The following SVOP variants were observed in gnomAD, a reference collection of about 807,000 sequenced individuals.
The protein encoded by SVOP is synaptic vesicle 2-related protein.
A neutral mutation model predicts 69.1 loss-of-function variants in SVOP; 17 were observed. The ratio of observed to expected loss-of-function variants is 0.25; its 90% CI spans 0.17 to 0.37. The LOEUF is 0.37. Ranked by LOEUF, SVOP falls within the 10% of genes least tolerant of loss-of-function variation. The pLI is 1.00. For synonymous variants in SVOP, 238 were observed against 238.6 expected (o/e 1.00, Z 0.02); for missense variants, 435 against 597.5 (o/e 0.73, Z 2.84).
intron 13 of SVOP, 146 bp from the exon 14 acceptor site, chr12:108,918,270 A>G: frequency 3.6e-6 from 2 of 549,418 alleles, no homozygotes; most frequent in East Asian, 3.2e-5. Context: ...ATGCAGGCAC[A>G]CATATTTCAG....
At chr12:108,946,762 A>T in intron 6 of SVOP, among the ~76,000 whole-genome samples, 1 of 151,134 alleles carries the variant, frequency 6.6e-6, no homozygotes, top group East Asian at 1.9e-4. Flanking sequence ...TCTGTCGCTC[A>T]GGCTGGAGTG....
At chr12:108,916,987 T>C (rs1323975465) in intron 14 of SVOP, among the ~76,000 whole-genome samples, 2 of 152,220 alleles carry the variant, frequency 1.3e-5, no homozygotes, top group East Asian at 3.8e-4. Flanking sequence ...GCTCAAGCGA[T>C]CCACCTGCCT....
intron 1 of SVOP, among the ~76,000 whole-genome samples, chr12:108,994,402 G>T (rs371203605): frequency 3.7e-4 from 56 of 152,260 alleles, no homozygotes; most frequent in African/African-American, 1.3e-3. Flanking sequence ...GCTGAGGCAG[G>T]AGAATCGCTT....
intron 11 of SVOP, among the ~76,000 whole-genome samples, chr12:108,924,716 A>T (rs1031239649): frequency 6.6e-6 from 1 of 152,296 alleles, no homozygotes; most frequent in Non-Finnish European, 1.5e-5. Flanking sequence ...GAAGGTAAAA[A>T]TACCTTAAAA....
At chr12:108,941,788 A>C (rs1370828052) in intron 7 of SVOP, among the ~76,000 whole-genome samples, 8 of 151,778 alleles carry the variant, frequency 5.3e-5, no homozygotes, top group Non-Finnish European at 1.2e-4. Flanking sequence ...CAGCCTCCCG[A>C]GTAGCTGGGA....
chr12:108,958,187 A>G (rs1464598428), intron 6 of SVOP, among the ~76,000 whole-genome samples: 2 of 152,176 alleles, frequency 1.3e-5, no homozygotes, highest in African/African-American at 2.4e-5. Flanking sequence ...ATTCTTTAAT[A>G]GCGAGGGGGT....
intron 4 of SVOP, 123 bp downstream of exon 4, chr12:108,977,275 G>A: frequency 8.3e-7 from 1 of 1,206,602 alleles, no homozygotes; most frequent in Non-Finnish European, 1.1e-6. Flanking sequence ...ATGGGACAGT[G>A]TTTCCATCAG....
rs2039666235 is a variant in SVOP at position 108,909,383 on chromosome 12, G to A, written c.*3152C>T. The A allele has an allele frequency of 2.6e-5, 4 of 151,844 alleles. No individual in the cohort carries two copies. Among genetic ancestry groups the A allele is most frequent in the Non-Finnish European group, 2.9e-5 (2 of 68,024 alleles). 9.4% of individuals were successfully genotyped at this position (151,844 alleles called of 1,614,324 possible). A position where few individuals can be genotyped will look rare whatever the true frequency, so the allele number is the denominator to read the frequency against. On this transcript the variant is annotated 3_prime_UTR_variant, in exon 16 of 16. Transcript: ENST00000610966. ...ATACAAAAATTAGCCAAGCATCAAGGCGGGCACCTGTAATCCCAGCTACTC... is the reference window on the plus strand; with the variant it reads ...ATACAAAAATTAGCCAAGCATCAAGACGGGCACCTGTAATCCCAGCTACTC...
At chr12:109,017,755 G>T (rs1393300490) in intron 1 of SVOP, among the ~76,000 whole-genome samples, 2 of 151,932 alleles carry the variant, frequency 1.3e-5, no homozygotes, top group African/African-American at 2.4e-5. Flanking sequence ...TGTTGGTCAG[G>T]CTTGTCTCGA....
intron 6 of SVOP, among the ~76,000 whole-genome samples, chr12:108,946,078 G>A (rs1373246712): frequency 1.3e-5 from 2 of 152,124 alleles, no homozygotes; most frequent in African/African-American, 2.4e-5. Context: ...CACTGTGATG[G>A]TAACAAATGG....
chr12:108,920,747 G>A (rs10861981), intron 12 of SVOP, among the ~76,000 whole-genome samples: 54,171 of 151,642 alleles, frequency 0.36, 10,338 homozygotes, highest in South Asian at 0.58. Context: ...ACAGGTGCAC[G>A]CCATCATGCC....
In SVOP at chr12:108,945,261, G is replaced by A. The variant is rs2039916036; in HGVS notation, c.579-95C>T. 5.6e-6 allele frequency: 7 copies of A among 1,244,232 alleles called. No individual in the cohort carries two copies. In the South Asian group the frequency reaches 9.0e-5, roughly 16 times the overall value. 77.1% of individuals were successfully genotyped at this position (1,244,232 alleles called of 1,614,324 possible). A position where few individuals can be genotyped will look rare whatever the true frequency, so the allele number is the denominator to read the frequency against. On this transcript the variant is annotated intron_variant, in intron 6 of 15. Transcript: ENST00000610966. ...GAATTTGCAGCCGACATTCCTCCAA[G>A]GGTGGTCAGTGAACCACTTACATCA...
At position 108,972,467 on chromosome 12, in the gene SVOP, C is replaced by T; in HGVS notation, c.391G>A (p.Val131Ile). The T allele has an allele frequency of 6.5e-7, 1 of 1,537,202 alleles. No individual in the cohort carries two copies. Among genetic ancestry groups the T allele is most frequent in the Non-Finnish European group, 8.7e-7 (1 of 1,146,888 alleles). The change falls in exon 5 of 16, where the codon GTA (valine) becomes ATA (isoleucine). Residue 131 changes from valine (V) to isoleucine (I), a missense_variant. By Grantham distance (29) the Val-to-Ile change is conservative (BLOSUM62 3). Coordinates refer to ENST00000610966, the MANE Select transcript of SVOP (RefSeq NM_018711.5). ...AGCGTGGAGCTGGACATCATGCCTA[C>T]AAAGACCACCTGTGGGGGGAAAGAC... is the stretch of plus-strand genomic sequence containing the variant. ...QVALLTSVVFVGMMSSSTLWG... is the reference protein window; with the variant it reads ...QVALLTSVVFIGMMSSSTLWG...
At chr12:109,014,207 G>T (rs2040356992) in intron 1 of SVOP, among the ~76,000 whole-genome samples, 1 of 151,966 alleles carries the variant, frequency 6.6e-6, no homozygotes, top group African/African-American at 2.4e-5. Context: ...GTAGAGACTG[G>T]GTTTCACCAT....
chr12:108,997,630 C>T lies in SVOP; in HGVS notation c.36-13869G>A, dbSNP rs1306190365. Among the ~76,000 whole-genome samples, 31 of 151,582 alleles carry T rather than the reference C, an allele frequency of 2.0e-4. No homozygotes were observed. In the East Asian group the frequency reaches 5.6e-3, roughly 28 times the overall value. ...TGGAGATCTGAGAACGGGCAGACTG[C>T]CTCCTCAAGTGGGTCCCTGACCCCT... On this transcript the variant is annotated intron_variant, in intron 1 of 15. Coordinates refer to ENST00000610966, the MANE Select transcript of SVOP (RefSeq NM_018711.5).
In SVOP at chr12:108,915,855, C is replaced by T. The variant is rs370717673; in HGVS notation, c.1368G>A (p.Thr456=). The change falls in exon 15 of 16, where the codon ACG becomes ACA. Residue 456 remains threonine (T), a synonymous_variant. Coordinates refer to ENST00000610966, the MANE Select transcript of SVOP (RefSeq NM_018711.5). The part of the protein sequence containing the change: ...VYTPEVYPTA[T]RALGLGTCSG... ...TGCAGGTGCCCAGGCCGAGGGCCCG[C>T]GTTGCCGTGGGGTAGACCTGAAACA... 4.0e-4 allele frequency: 641 copies of T among 1,606,814 alleles called. 1 individual carries two copies. The highest frequency in any genetic ancestry group is 4.9e-4 in the Non-Finnish European group (573 of 1,177,022).
At chr12:108,929,277 A>C (rs1372008670) in intron 11 of SVOP, among the ~76,000 whole-genome samples, 7 of 152,328 alleles carry the variant, frequency 4.6e-5, no homozygotes, top group Admixed American at 3.3e-4. Context: ...CTTCAGCAAT[A>C]GTCCTTTTTA....
chr12:108,914,750 G>C lies in SVOP; in HGVS notation c.1440+1033C>G, dbSNP rs567935266. Among the ~76,000 whole-genome samples, 371 of 151,750 alleles carry C rather than the reference G, an allele frequency of 2.4e-3. 1 individual carries two copies. The highest frequency in any genetic ancestry group is 3.4e-3 in the Non-Finnish European group (231 of 67,930). On this transcript the variant is annotated intron_variant, in intron 15 of 15. Coordinates refer to ENST00000610966, the MANE Select transcript of SVOP (RefSeq NM_018711.5). ...TTTTGTATTTTTAGTAGAGATGGGG[G>C]TTTCACCATGTTGGCCAGGCTGGTC...
rs1427152985 is a variant in SVOP at position 108,912,574 on chromosome 12, A to G, written c.1608T>C (p.Gly536=). Reference sequence around the variant, plus strand: ...CAGAGTTCGACCTGGTAACACCTGCACCGTGCATTCCTCGGCCGACCATCT... The same window carrying G: ...CAGAGTTCGACCTGGTAACACCTGCGCCGTGCATTCCTCGGCCGACCATCT... The part of the protein sequence containing the change: ...GQEMVGRGMH[G]AGVTRSNSGS... Residue 536 remains glycine (G), a synonymous_variant, in exon 16 of 16, where the codon GGT becomes GGC. Coordinates refer to ENST00000610966, the MANE Select transcript of SVOP (RefSeq NM_018711.5). 6.2e-7 allele frequency: 1 copy of G among 1,613,648 alleles called. No individual in the cohort carries two copies. The highest frequency in any genetic ancestry group is 8.5e-7 in the Non-Finnish European group (1 of 1,179,738).
Sources: gnomAD v4.1 joint callset for allele counts (sites outside exome capture counted in the v4.1 genomes callset) on GRCh38, gnomAD v4.1.1 for gene constraint, MANE v1.5 for transcripts, NCBI Gene and HGNC (gene_info 2026-07-23, HGNC 2026-07-21) for gene names.